Variants in GABRG2 observed in about 807,000 individuals in gnomAD.
GABRG2 encodes the protein gamma-aminobutyric acid receptor subunit gamma-2.
In GABRG2, 16 loss-of-function variants were observed where a neutral mutation model predicts 56.4. That is an observed-to-expected ratio of 0.28 (90% CI 0.19 to 0.43). The LOEUF is 0.43. Among genes scored for constraint, GABRG2 ranks in the 20% least tolerant of loss-of-function variants. GABRG2 has a pLI of 1.00. For missense variants in GABRG2, 327 were observed against 582.7 expected (o/e 0.56, Z 4.52); for synonymous variants, 208 against 205.5 (o/e 1.01, Z -0.10).
intron 6 of GABRG2, chr5:162,129,334 T>C (rs1289362094): frequency 6.6e-6 from 1 of 152,002 alleles, no homozygotes; most frequent in Non-Finnish European, 1.5e-5. Context: ...TTTCTCCTTG[T>C]TCAGAACACA....
intron 8 of GABRG2, chr5:162,151,216 A>T (rs1240131736): frequency 1.9e-5 from 3 of 155,242 alleles, no homozygotes; most frequent in Non-Finnish European, 4.3e-5. Flanking sequence ...AGAACAGGAT[A>T]AAAATTTGAG....
At chr5:162,094,463 A>G (rs747604333) in intron 2 of GABRG2, 4 of 169,968 alleles carry the variant, frequency 2.4e-5, no homozygotes, top group Non-Finnish European at 3.8e-5. Context: ...GGGCAACTGT[A>G]CTTTACGTGT....
intron 1 of GABRG2, among the ~76,000 whole-genome samples, chr5:162,068,534 T>TG (rs1161879830): frequency 1.1e-5 from 1 of 91,242 alleles, no homozygotes; most frequent in Non-Finnish European, 2.3e-5. Context: ...GTGAGGGAGC[T>TG]GGGGGGAGGG....
At chr5:162,086,433 AGTTT>A (rs1188738856) in intron 1 of GABRG2, among the ~76,000 whole-genome samples, 2 of 152,084 alleles carry the variant, frequency 1.3e-5, no homozygotes, top group South Asian at 2.1e-4. Flanking sequence ...AAACTTGATT[AGTTT>A]GTTTTCTTAT....
intron 1 of GABRG2, among the ~76,000 whole-genome samples, chr5:162,079,043 T>C (rs1404952525): frequency 6.6e-6 from 1 of 151,192 alleles, no homozygotes. Flanking sequence ...AAAAATGAAA[T>C]AAAATGAACT....
At chr5:162,134,710 T>C (rs1342675968) in intron 6 of GABRG2, among the ~76,000 whole-genome samples, 1 of 152,094 alleles carries the variant, frequency 6.6e-6, no homozygotes, top group African/African-American at 2.4e-5. Flanking sequence ...CTCAGATGCT[T>C]AGGGGTTGGC....
At chr5:162,091,639 G>GA (rs11327478) in intron 1 of GABRG2, among the ~76,000 whole-genome samples, 11 of 151,050 alleles carry the variant, frequency 7.3e-5, no homozygotes, top group South Asian at 2.1e-4. Context: ...CCTGAAGTGT[G>GA]AAAAAAAAAC....
At chr5:162,105,280 T>G (rs1286792984) in intron 6 of GABRG2, among the ~76,000 whole-genome samples, 1 of 152,146 alleles carries the variant, frequency 6.6e-6, no homozygotes, top group East Asian at 1.9e-4. Flanking sequence ...GTAACATTGT[T>G]TTGAGCATTT....
chr5:162,104,169 A>T (rs1761637057), intron 6 of GABRG2, 143 bp downstream of exon 6: 2 of 777,510 alleles, frequency 2.6e-6, no homozygotes, highest in Admixed American at 2.2e-5. Context: ...AGAGAAAATT[A>T]TAATTGAAAT....
chr5:162,101,647 T>G (rs1581359855), intron 5 of GABRG2: 1 of 325,066 alleles, frequency 3.1e-6, no homozygotes, highest in Non-Finnish European at 5.8e-6. Context: ...AATCTTTAAT[T>G]ATATATCCTC....
chr5:162,144,632 G>A (rs1370622307), intron 7 of GABRG2, among the ~76,000 whole-genome samples: 1 of 152,172 alleles, frequency 6.6e-6, no homozygotes, highest in African/African-American at 2.4e-5. Flanking sequence ...TTAGAGCTGA[G>A]CTAAGGAAGT....
intron 6 of GABRG2, among the ~76,000 whole-genome samples, chr5:162,125,369 A>C (rs1004500628): frequency 3.0e-4 from 46 of 151,720 alleles, no homozygotes; most frequent in African/African-American, 1.1e-3. Flanking sequence ...ATACGTTTTA[A>C]AATTTTATCA....
At chr5:162,149,760 C>T (rs1297881080) in intron 8 of GABRG2, 3 of 415,462 alleles carry the variant, frequency 7.2e-6, no homozygotes, top group African/African-American at 4.1e-5. Context: ...ACTATAGGCA[C>T]ACGCCACCAT....
At position 162,145,750 on chromosome 5, in the gene GABRG2, C is replaced by T. The variant is rs1023704468; in HGVS notation, c.923-3358C>T. Among the ~76,000 whole-genome samples the T allele has an allele frequency of 4.1e-4, 63 of 152,310 alleles. 1 individual carries two copies. Among genetic ancestry groups the T allele is most frequent in the African/African-American group, 1.4e-3 (60 of 41,570 alleles). The stretch of plus-strand genomic sequence containing the variant: ...CATTTTAAAAAAATTAACTCATCTA[C>T]AGTACCTACCATAAATACTGACATT... On this transcript the variant is annotated intron_variant, in intron 7 of 9. Coordinates refer to ENST00000639213, the MANE Select transcript of GABRG2 (RefSeq NM_198904.4).
In GABRG2 at chr5:162,067,957, C is replaced by A; in HGVS notation, c.-43C>A. The A allele has an allele frequency of 7.4e-7, 1 of 1,358,572 alleles. No individual in the cohort carries two copies. The highest frequency in any genetic ancestry group is 1.0e-6 in the Non-Finnish European group (1 of 952,620). The allele number at this position is 1,358,572 out of a possible 1,614,324, so 84.2% of individuals were successfully genotyped here. A position where few individuals can be genotyped will look rare whatever the true frequency, so the allele number is the denominator to read the frequency against. The stretch of plus-strand genomic sequence containing the variant: ...AATACAAAGGGGAGGGATTCTTCTG[C>A]AACCAAGAGGCAAGAGGCGAGAGAA... On this transcript the variant is annotated 5_prime_UTR_variant, in exon 1 of 10. Transcript: ENST00000639213.
At chr5:162,153,008 T>C (rs1472693064) in intron 9 of GABRG2, 85 bp from the exon 10 acceptor site, 1 of 1,487,652 alleles carries the variant, frequency 6.7e-7, no homozygotes, top group Non-Finnish European at 9.4e-7. Flanking sequence ...AGATTCATCA[T>C]CACATTGGTG....
chr5:162,133,510 A>G (rs1763902900), intron 6 of GABRG2, among the ~76,000 whole-genome samples: 1 of 152,132 alleles, frequency 6.6e-6, no homozygotes, highest in African/African-American at 2.4e-5. Context: ...TAATTATACC[A>G]GGAAATTGCT....
chr5:162,089,345 G>A (rs1043019701), intron 1 of GABRG2, among the ~76,000 whole-genome samples: 1 of 152,092 alleles, frequency 6.6e-6, no homozygotes, highest in African/African-American at 2.4e-5. Context: ...TGAGAATCTA[G>A]AGTAGCAGTG....
chr5:162,067,883 T>G lies in GABRG2; in HGVS notation c.-117T>G. The G allele has an allele frequency of 2.7e-6, 2 of 743,094 alleles. No individual in the cohort carries two copies. The highest frequency in any genetic ancestry group is 4.8e-6 in the Non-Finnish European group (2 of 416,782). 46.0% of individuals were successfully genotyped at this position (743,094 alleles called of 1,614,324 possible). A position where few individuals can be genotyped will look rare whatever the true frequency, so the allele number is the denominator to read the frequency against. On this transcript the variant is annotated 5_prime_UTR_variant, in exon 1 of 10. Coordinates refer to ENST00000639213, the MANE Select transcript of GABRG2 (RefSeq NM_198904.4). ...CAATCCATCTCCCCAGTGAAGGACC[T>G]ACTAGAGGCAGGTGGGGGGAGCCAC...
Sources: allele counts gnomAD v4.1 joint callset (sites outside exome capture counted in the v4.1 genomes callset), GRCh38; gene constraint gnomAD v4.1.1; transcripts MANE v1.5; gene names NCBI Gene and HGNC (gene_info 2026-07-23, HGNC 2026-07-21).